Variants in PTPRD observed in about 807,000 individuals in gnomAD.
The protein encoded by PTPRD is receptor-type tyrosine-protein phosphatase delta.
PTPRD carries 34 observed loss-of-function variants against 214.5 expected under a neutral mutation model. That is an observed-to-expected ratio of 0.16 (90% confidence interval 0.12 to 0.21). PTPRD has a LOEUF of 0.21. Among genes scored for constraint, PTPRD ranks in the 10% least tolerant of loss-of-function variants. The pLI, the probability that PTPRD is intolerant of heterozygous loss-of-function variation, is 1.00. For synonymous variants in PTPRD, 1,128 were observed against 845.7 expected (o/e 1.33, Z -5.79); for missense variants, 2,545 against 2,398.7 (o/e 1.06, Z -1.27).
intron 10 of PTPRD, among the ~76,000 whole-genome samples, chr9:9,042,757 T>C (rs1363813346): frequency 1.3e-5 from 2 of 151,912 alleles, no homozygotes; most frequent in African/African-American, 2.4e-5. Context: ...AAATGCCAGA[T>C]ACTTGGTTTC....
At chr9:10,114,211 T>C (rs920802510) in intron 3 of PTPRD, among the ~76,000 whole-genome samples, 5 of 152,170 alleles carry the variant, frequency 3.3e-5, no homozygotes, top group Non-Finnish European at 7.4e-5. Flanking sequence ...CTGGCGAGAA[T>C]ATTATGTGCC....
rs77199482 is a variant in PTPRD at position 9,928,605 on chromosome 9, A to C, written c.-368+9902T>G. Reference sequence around the variant, plus strand: ...AAGTGGAAAAAATGATTAACATGGAAAAATCCATTACTACTGTTATTAGAA... The same window carrying C: ...AAGTGGAAAAAATGATTAACATGGACAAATCCATTACTACTGTTATTAGAA... On this transcript the variant is annotated intron_variant, in intron 5 of 45. Coordinates refer to ENST00000381196, the MANE Select transcript of PTPRD (RefSeq NM_002839.4). 2.8e-3 allele frequency among the ~76,000 whole-genome samples: 426 copies of C among 152,292 alleles called. 2 individuals carry two copies. The highest frequency in any genetic ancestry group is 9.3e-3 in the African/African-American group (387 of 41,568).
At chr9:9,609,873 C>T (rs1032575086) in intron 7 of PTPRD, among the ~76,000 whole-genome samples, 24 of 152,150 alleles carry the variant, frequency 1.6e-4, no homozygotes, top group African/African-American at 5.8e-4. Flanking sequence ...TGAAAATGTA[C>T]ATTTAAAAAG....
At chr9:8,552,216 A>C (rs1351854059) in intron 14 of PTPRD, among the ~76,000 whole-genome samples, 1 of 152,148 alleles carries the variant, frequency 6.6e-6, no homozygotes. Context: ...AACCCCATTT[A>C]TATACAAAAC....
chr9:9,372,339 G>A (rs1265057334), intron 9 of PTPRD, among the ~76,000 whole-genome samples: 1 of 152,172 alleles, frequency 6.6e-6, no homozygotes, highest in Non-Finnish European at 1.5e-5. Flanking sequence ...AGCTCTTCTT[G>A]TTGAATTGAT....
At chr9:8,951,967 C>T (rs1385960055) in intron 11 of PTPRD, among the ~76,000 whole-genome samples, 1 of 151,966 alleles carries the variant, frequency 6.6e-6, no homozygotes, top group Admixed American at 6.6e-5. Flanking sequence ...TCTTCGGTCT[C>T]TGCTCAATTG....
chr9:8,849,720 T>C (rs1211151321), intron 11 of PTPRD, among the ~76,000 whole-genome samples: 1 of 152,140 alleles, frequency 6.6e-6, no homozygotes, highest in East Asian at 1.9e-4. Context: ...GCAGGGAATG[T>C]GATACTGCAC....
rs149150134 is a variant in PTPRD, at chr9:9,811,780, G to C, written c.-367-44929C>G. Among the ~76,000 whole-genome samples, 29 of 152,250 alleles carry C rather than the reference G, an allele frequency of 1.9e-4. No homozygotes were observed. In the East Asian group the frequency reaches 5.0e-3, roughly 26 times the overall value. ...AAGATGCTGTGGATATTGTTGAAATGACAACAAAATATTAGAACATTACAT... is the reference window on the plus strand; with the variant it reads ...AAGATGCTGTGGATATTGTTGAAATCACAACAAAATATTAGAACATTACAT... On this transcript the variant is annotated intron_variant, in intron 5 of 45. Coordinates refer to ENST00000381196, the MANE Select transcript of PTPRD (RefSeq NM_002839.4).
chr9:9,308,973 T>C (rs908363224), intron 9 of PTPRD, among the ~76,000 whole-genome samples: 4 of 152,090 alleles, frequency 2.6e-5, no homozygotes, highest in Non-Finnish European at 5.9e-5. Context: ...CAGGTAATAT[T>C]TAAATCTCAT....
At chr9:10,298,209 T>A (rs1428050977) in intron 3 of PTPRD, among the ~76,000 whole-genome samples, 1 of 152,096 alleles carries the variant, frequency 6.6e-6, no homozygotes, top group Admixed American at 6.6e-5. Flanking sequence ...CTTAATAGGT[T>A]TTTACCCTGG....
chr9:10,564,591 G>A (rs1007320516), intron 2 of PTPRD, among the ~76,000 whole-genome samples: 1 of 151,990 alleles, frequency 6.6e-6, no homozygotes, highest in Admixed American at 6.6e-5. Context: ...TAGCCTCAAT[G>A]GAGGCAACAT....
At chr9:9,149,672 G>A (rs1310270208) in intron 10 of PTPRD, among the ~76,000 whole-genome samples, 1 of 152,190 alleles carries the variant, frequency 6.6e-6, no homozygotes, top group East Asian at 1.9e-4. Context: ...GAAAAGTAAA[G>A]TTATCTCACT....
At chr9:10,297,427 A>C (rs1288946941) in intron 3 of PTPRD, among the ~76,000 whole-genome samples, 1 of 151,960 alleles carries the variant, frequency 6.6e-6, no homozygotes, top group Non-Finnish European at 1.5e-5. Flanking sequence ...CATGATTCTA[A>C]GAAAAAGCAG....
rs547957078 is a variant in PTPRD at position 10,055,052 on chromosome 9, T to C, written c.-544-21262A>G. Among the ~76,000 whole-genome samples, 18 of 152,214 alleles carry C rather than the reference T, an allele frequency of 1.2e-4. No individual in the cohort carries two copies. In the South Asian group the frequency reaches 1.7e-3, roughly 14 times the overall value. On this transcript the variant is annotated intron_variant, in intron 3 of 45. Transcript: ENST00000381196. ...CCTCTCTTTTTCTATCTCTCTGCCA[T>C]GTGAGGACCCAGCAAGAAGGTGGCC...
intron 3 of PTPRD, among the ~76,000 whole-genome samples, chr9:10,104,756 T>C (rs1180269883): frequency 6.6e-6 from 1 of 151,900 alleles, no homozygotes; most frequent in African/African-American, 2.4e-5. Flanking sequence ...TGGTCAAAAT[T>C]ATTTGTTCAA....
chr9:9,114,301 A>T (rs573395529), intron 10 of PTPRD, among the ~76,000 whole-genome samples: 8 of 152,268 alleles, frequency 5.3e-5, no homozygotes, highest in African/African-American at 1.9e-4. Context: ...GTATCCTGTT[A>T]TATCTCCATA....
chr9:9,998,594 C>T (rs997121098), intron 4 of PTPRD, among the ~76,000 whole-genome samples: 21 of 151,980 alleles, frequency 1.4e-4, no homozygotes, highest in African/African-American at 4.8e-4. Flanking sequence ...AACCCTAGGA[C>T]GTAATTTAGC....
intron 7 of PTPRD, among the ~76,000 whole-genome samples, chr9:9,591,896 A>G (rs1328484275): frequency 6.6e-6 from 1 of 152,060 alleles, no homozygotes; most frequent in Non-Finnish European, 1.5e-5. Flanking sequence ...GTGTAGTGGA[A>G]CACCAGAACT....
intron 5 of PTPRD, among the ~76,000 whole-genome samples, chr9:9,897,670 T>G (rs2075365841): frequency 1.3e-5 from 2 of 152,102 alleles, no homozygotes; most frequent in Admixed American, 1.3e-4. Flanking sequence ...TAGCTGTTGA[T>G]TCACCTATTG....
Sources: allele counts gnomAD v4.1 joint callset (sites outside exome capture counted in the v4.1 genomes callset), GRCh38; gene constraint gnomAD v4.1.1; transcripts MANE v1.5; gene names NCBI Gene and HGNC (gene_info 2026-07-23, HGNC 2026-07-21).